Variants in PADI1 observed in about 807,000 individuals in gnomAD.
The protein encoded by PADI1 is protein-arginine deiminase type-1.
Under a neutral mutation model 74.8 loss-of-function variants are expected in PADI1, and 65 were observed. That is an observed-to-expected ratio of 0.87 (90% CI 0.71 to 1.07). The LOEUF (loss-of-function observed/expected upper bound fraction) is 1.07, where lower values mean the gene tolerates loss of function less well. Ranked by LOEUF, PADI1 falls within the 50% of genes least tolerant of loss-of-function variation. The pLI is 0.00. For synonymous variants in PADI1, 371 were observed against 336.2 expected, an observed-to-expected ratio of 1.10 and a Z score of -1.13; for missense variants, 943 against 854.0, an observed-to-expected ratio of 1.10 and a Z score of -1.30.
rs1156720760 is a variant in PADI1, at chr1:17,237,182, A to G, written c.1314-132A>G. 19 of 1,036,474 alleles carry G rather than the reference A, an allele frequency of 1.8e-5. No homozygotes were observed. In the South Asian group the frequency reaches 2.6e-4, roughly 14 times the overall value. 64.2% of individuals were successfully genotyped at this position (1,036,474 alleles called of 1,614,324 possible). The stretch of plus-strand genomic sequence containing the variant: ...CATTCTCTGCTGTCTTGGCTTCTCC[A>G]CGCTCTACGCCCCACGTTTAAAGCG... On this transcript the variant is annotated intron_variant, in intron 11 of 15. Coordinates refer to ENST00000375471, the MANE Select transcript of PADI1 (RefSeq NM_013358.3).
intron 12 of PADI1, 107 bp from the exon 13 acceptor site, chr1:17,238,509 G>A (rs2072702171): frequency 2.1e-6 from 1 of 468,056 alleles, no homozygotes; most frequent in East Asian, 3.5e-5. Flanking sequence ...CCGAGTGGGA[G>A]AGGGGAGTCC....
intron 1 of PADI1, among the ~76,000 whole-genome samples, chr1:17,209,423 A>G (rs913958966): frequency 2.0e-5 from 3 of 152,212 alleles, no homozygotes; most frequent in African/African-American, 7.2e-5. Context: ...GGGGGTTGTA[A>G]AAACTGGACT....
intron 1 of PADI1, among the ~76,000 whole-genome samples, chr1:17,216,039 G>A (rs1362221278): frequency 2.6e-5 from 4 of 152,116 alleles, no homozygotes; most frequent in Non-Finnish European, 5.9e-5. Flanking sequence ...GGGGCTGGGC[G>A]GACCGCAGGG....
chr1:17,235,128 A>T (rs2072597347), intron 11 of PADI1, among the ~76,000 whole-genome samples: 1 of 147,432 alleles, frequency 6.8e-6, no homozygotes, highest in Non-Finnish European at 1.5e-5. Flanking sequence ...ACAAACAAAT[A>T]AATGAAGGAA....
rs1433822116 is a variant in PADI1, at chr1:17,225,829, C to T, written c.427C>T (p.Pro143Ser). 6 of 1,614,048 alleles carry T rather than the reference C, an allele frequency of 3.7e-6. No individual in the cohort carries two copies. The highest frequency in any genetic ancestry group is 1.7e-5 in the Admixed American group (1 of 60,028). ...GCCACAGAAAACCTGGCGCTGGGGC[C>T]CTGAGGGCTATGGGGCTATCTTGCT... Reference protein sequence around the residue: ...QGDKKTWRWGPEGYGAILLVN... With the variant: ...QGDKKTWRWGSEGYGAILLVN... The change falls in exon 5 of 16, where the codon CCT becomes TCT. Residue 143 changes from proline (P) to serine (S), a missense_variant. Coordinates refer to ENST00000375471, the MANE Select transcript of PADI1 (RefSeq NM_013358.3).
At chr1:17,217,606 T>C (rs2072014229) in intron 1 of PADI1, among the ~76,000 whole-genome samples, 1 of 152,234 alleles carries the variant, frequency 6.6e-6, no homozygotes, top group Admixed American at 6.5e-5. Flanking sequence ...ACAAAGGCAG[T>C]AGTACTGAAA....
chr1:17,227,573 A>AT lies in PADI1; in HGVS notation c.653-1051dup, dbSNP rs879585000. On this transcript the variant is annotated intron_variant, in intron 6 of 15. Coordinates refer to ENST00000375471, the MANE Select transcript of PADI1 (RefSeq NM_013358.3). ...AATAAATAAATAAATAAATAAATAAATAAATAAATTACCACTCCTTAACCC... is the reference window on the plus strand; with the variant it reads ...AATAAATAAATAAATAAATAAATAAATTAAATAAATTACCACTCCTTAACCC... 1.6e-3 allele frequency among the ~76,000 whole-genome samples: 219 copies of AT among 136,222 alleles called. 1 individual carries two copies. Among genetic ancestry groups the AT allele is most frequent in the Middle Eastern group, 0.01 (2 of 196 alleles). 89.4% of individuals were successfully genotyped at this position (136,222 alleles called of 152,430 possible).
chr1:17,207,398 G>A (rs535514360), intron 1 of PADI1, among the ~76,000 whole-genome samples: 29 of 152,302 alleles, frequency 1.9e-4, no homozygotes, highest in African/African-American at 2.9e-4. Context: ...CTGCACTTCC[G>A]AGCCTCAGTT....
intron 1 of PADI1, among the ~76,000 whole-genome samples, chr1:17,220,490 C>T (rs1209956448): frequency 2.6e-5 from 4 of 152,208 alleles, no homozygotes; most frequent in Admixed American, 2.6e-4. Flanking sequence ...CATTTATTAA[C>T]AAGTGTTTAT....
intron 11 of PADI1, 65 bp downstream of exon 11, chr1:17,233,035 G>T: frequency 7.2e-7 from 1 of 1,383,408 alleles, no homozygotes; most frequent in Non-Finnish European, 9.7e-7. Context: ...CCCTCCCTGT[G>T]CCCCCATCAC....
chr1:17,228,580 C>T (rs778053662), intron 6 of PADI1, 45 bp from the exon 7 acceptor site: 112 of 1,605,644 alleles, frequency 7.0e-5, no homozygotes, highest in Middle Eastern at 1.8e-4. Flanking sequence ...CTTGCAGCCC[C>T]TCACCCCTGT....
rs41265089 is a variant in PADI1 at position 17,239,874 on chromosome 1, G to C, written c.1632+91G>C. 9.7e-6 allele frequency: 10 copies of C among 1,028,572 alleles called. No individual in the cohort carries two copies. The African/African-American group carries it at 1.6e-4, about 16-fold the overall frequency. The allele number at this position is 1,028,572 out of a possible 1,614,324, so 63.7% of individuals were successfully genotyped here. ...AACTGGGTTGGGTCAGAGATTCAGCGCTGGAGCTCTCATGGTCCTGGGGGC... is the reference window on the plus strand; with the variant it reads ...AACTGGGTTGGGTCAGAGATTCAGCCCTGGAGCTCTCATGGTCCTGGGGGC... On this transcript the variant is annotated intron_variant, in intron 14 of 15. Transcript: ENST00000375471.
chr1:17,236,787 A>G (rs2072652337), intron 11 of PADI1, among the ~76,000 whole-genome samples: 1 of 152,082 alleles, frequency 6.6e-6, no homozygotes, highest in African/African-American at 2.4e-5. Flanking sequence ...AGAAAGAAAG[A>G]AAAAAAGAAA....
intron 1 of PADI1, 73 bp downstream of exon 1, chr1:17,205,382 G>A (rs939939302): frequency 1.7e-6 from 2 of 1,176,828 alleles, no homozygotes; most frequent in South Asian, 2.5e-5. Flanking sequence ...TGGGTGCCTG[G>A]TAGACAAGTC....
chr1:17,222,333 T>A lies in PADI1; in HGVS notation c.136T>A (p.Ser46Thr), dbSNP rs774458954. ...GANSFRVSGS[S>T]GVEVFMVYNR... ...CAACAGCTTCAGGGTCTCTGGAAGC[T>A]CCGGGGTGGAGGTCTTCATGGTCTA... The change falls in exon 2 of 16, where the codon TCC becomes ACC. Residue 46 changes from serine (S) to threonine (T), a missense_variant. By Grantham distance (58) the Ser-to-Thr change is moderately conservative. Transcript: ENST00000375471. 1.2e-6 allele frequency: 2 copies of A among 1,614,006 alleles called. No individual in the cohort carries two copies. The highest frequency in any genetic ancestry group is 2.2e-5 in the South Asian group (2 of 91,078).
intron 13 of PADI1, 39 bp downstream of exon 13, chr1:17,238,748 C>A: frequency 9.1e-7 from 1 of 1,102,402 alleles, no homozygotes; most frequent in Non-Finnish European, 1.3e-6. Context: ...GGGGACCCTG[C>A]CCTTTCATCA....
chr1:17,228,516 A>C (rs1327827537), intron 6 of PADI1, 109 bp from the exon 7 acceptor site: 1 of 1,127,380 alleles, frequency 8.9e-7, no homozygotes, highest in Non-Finnish European at 1.3e-6. Context: ...GCAGAGCCAG[A>C]GAGGAACCCA....
intron 1 of PADI1, among the ~76,000 whole-genome samples, chr1:17,213,956 A>T (rs981490424): frequency 6.6e-6 from 1 of 152,232 alleles, no homozygotes; most frequent in Non-Finnish European, 1.5e-5. Flanking sequence ...GTTGGTGGGC[A>T]TTGCAGGGTG....
At chr1:17,222,975 G>A (rs1184888707) in intron 2 of PADI1, among the ~76,000 whole-genome samples, 1 of 104,640 alleles carries the variant, frequency 9.6e-6, no homozygotes, top group Admixed American at 1.1e-4. Flanking sequence ...TCCTAGACAT[G>A]GCCCTTTCTC....
Sources: allele counts gnomAD v4.1 joint callset (sites outside exome capture counted in the v4.1 genomes callset), GRCh38; gene constraint gnomAD v4.1.1; transcripts MANE v1.5; gene names NCBI Gene and HGNC (gene_info 2026-07-23, HGNC 2026-07-21).